Variants in POLR3B observed in about 807,000 individuals in gnomAD.
POLR3B encodes the protein RNA polymerase III subunit B, also known as DNA-directed RNA polymerase III subunit RPC2.
A neutral mutation model predicts 147.4 loss-of-function variants in POLR3B; 96 were observed. The ratio of observed to expected loss-of-function variants is 0.65; its 90% CI spans 0.55 to 0.77. The LOEUF (loss-of-function observed/expected upper bound fraction) is 0.77. POLR3B is among the 30% of genes least tolerant of loss of function. POLR3B has a pLI of 0.00. For missense variants in POLR3B, 1,036 were observed against 1,413.5 expected (o/e 0.73, Z 4.28); for synonymous variants, 461 against 485.9 (o/e 0.95, Z 0.67).
intron 18 of POLR3B, 133 bp downstream of exon 18, chr12:106,437,912 T>C (rs779496679): frequency 5.9e-6 from 4 of 676,796 alleles, no homozygotes; most frequent in Non-Finnish European, 1.0e-5. Context: ...ACAATCTTCT[T>C]TTTTTTGTTT....
At chr12:106,427,515 T>C (rs1389935088) in intron 13 of POLR3B, among the ~76,000 whole-genome samples, 157 bp downstream of exon 13, 109 of 152,304 alleles carry the variant, frequency 7.2e-4, no homozygotes. Flanking sequence ...AAGTCTGAAG[T>C]GTTTATTACT....
At chr12:106,431,163 C>T (rs953942823) in intron 14 of POLR3B, among the ~76,000 whole-genome samples, 1 of 152,060 alleles carries the variant, frequency 6.6e-6, no homozygotes, top group African/African-American at 2.4e-5. Flanking sequence ...TTAATAATTA[C>T]AACAAGTAAA....
intron 19 of POLR3B, among the ~76,000 whole-genome samples, chr12:106,448,500 G>T (rs1315003500): frequency 7.9e-6 from 1 of 126,288 alleles, no homozygotes; most frequent in Non-Finnish European, 1.6e-5. Context: ...GCAGTGGCAC[G>T]ATCACAACTC....
chr12:106,452,204 GTTTATAAA>G (rs2037805697), intron 19 of POLR3B, among the ~76,000 whole-genome samples: 2 of 152,136 alleles, frequency 1.3e-5, no homozygotes, highest in African/African-American at 4.8e-5. Context: ...ATATAGAATA[GTTTATAAA>G]TTCTATTTTA....
chr12:106,432,666 C>G (rs1258690153), intron 15 of POLR3B, among the ~76,000 whole-genome samples, 186 bp downstream of exon 15: 3 of 152,162 alleles, frequency 2.0e-5, no homozygotes, highest in Non-Finnish European at 2.9e-5. Flanking sequence ...ATCCAAGGTT[C>G]TGAGAGGATA....
intron 12 of POLR3B, among the ~76,000 whole-genome samples, chr12:106,412,288 T>C (rs1252080236): frequency 2.0e-5 from 3 of 152,212 alleles, no homozygotes; most frequent in Admixed American, 2.0e-4. Flanking sequence ...AAACATCAGC[T>C]GAAATATTCA....
At chr12:106,477,887 T>TCC (rs376638115) in intron 23 of POLR3B, among the ~76,000 whole-genome samples, 10 of 66,296 alleles carry the variant, frequency 1.5e-4, no homozygotes, top group South Asian at 5.9e-4. Flanking sequence ...TCTTGGCTCC[T>TCC]CCCCTTTTTT....
At chr12:106,417,830 T>G (rs1337891234) in intron 12 of POLR3B, among the ~76,000 whole-genome samples, 4 of 151,758 alleles carry the variant, frequency 2.6e-5, no homozygotes, top group Non-Finnish European at 5.9e-5. Context: ...AATGAGTCCA[T>G]TAAAAAAAAG....
chr12:106,437,607 T>G (rs1045914261), intron 17 of POLR3B, 74 bp from the exon 18 acceptor site: 12 of 808,472 alleles, frequency 1.5e-5, no homozygotes, highest in African/African-American at 1.0e-4. Context: ...CGAAAGCCAG[T>G]ATCTCCTGTT....
At chr12:106,373,740 C>G (rs975428144) in intron 6 of POLR3B, among the ~76,000 whole-genome samples, 1 of 151,092 alleles carries the variant, frequency 6.6e-6, no homozygotes, top group Non-Finnish European at 1.5e-5. Context: ...GGCAACAGAG[C>G]GAGACTCCAT....
chr12:106,446,048 A>G (rs2037718296), intron 19 of POLR3B, among the ~76,000 whole-genome samples: 2 of 152,246 alleles, frequency 1.3e-5, no homozygotes, highest in Non-Finnish European at 2.9e-5. Context: ...CAGCTCATCA[A>G]TTTAGCCTTT....
intron 2 of POLR3B, among the ~76,000 whole-genome samples, chr12:106,365,518 C>G (rs2036522781): frequency 6.6e-6 from 1 of 152,062 alleles, no homozygotes; most frequent in Non-Finnish European, 1.5e-5. Flanking sequence ...CCTTGCCTGG[C>G]CTTTTTGTTA....
intron 7 of POLR3B, among the ~76,000 whole-genome samples, chr12:106,376,711 A>G (rs955689609): frequency 3.3e-5 from 5 of 150,992 alleles, no homozygotes; most frequent in African/African-American, 7.4e-5. Context: ...TCTGCCTCCC[A>G]GGCTCAAGCA....
At chr12:106,358,066 G>T (rs2036413226) in intron 1 of POLR3B, 115 bp downstream of exon 1, 1 of 1,547,212 alleles carries the variant, frequency 6.5e-7, no homozygotes, top group African/African-American at 1.4e-5. Context: ...CATGCGCCGG[G>T]CTTCTGCGCA....
At chr12:106,440,748 G>C (rs1433780637) in intron 18 of POLR3B, among the ~76,000 whole-genome samples, 1 of 138,142 alleles carries the variant, frequency 7.2e-6, no homozygotes, top group Non-Finnish European at 1.6e-5. Context: ...TTTACTTCTT[G>C]TGCCTATTAC....
intron 12 of POLR3B, among the ~76,000 whole-genome samples, chr12:106,413,342 G>A (rs1243485551): frequency 2.0e-5 from 3 of 152,034 alleles, no homozygotes; most frequent in Admixed American, 2.0e-4. Context: ...TCACCATTTG[G>A]TGGTGGAGAT....
chr12:106,507,864 G>A, intron 27 of POLR3B: 1 of 452,830 alleles, frequency 2.2e-6, no homozygotes, highest in Non-Finnish European at 4.4e-6. Context: ...CCTGCTCATT[G>A]TAAAACATTC....
intron 25 of POLR3B, among the ~76,000 whole-genome samples, chr12:106,498,238 A>G (rs1258168575): frequency 6.6e-6 from 1 of 152,194 alleles, no homozygotes; most frequent in African/African-American, 2.4e-5. Flanking sequence ...TTGCCAGGGA[A>G]AGAGCTTGGT....
At chr12:106,435,425 G>A (rs1003602355) in intron 16 of POLR3B, among the ~76,000 whole-genome samples, 9 of 152,156 alleles carry the variant, frequency 5.9e-5, no homozygotes, top group African/African-American at 1.7e-4. Flanking sequence ...GATTACAGGT[G>A]TGAGCCATCG....
Sources: gnomAD v4.1 joint callset for allele counts (sites outside exome capture counted in the v4.1 genomes callset) on GRCh38, gnomAD v4.1.1 for gene constraint, MANE v1.5 for transcripts, NCBI Gene and HGNC (gene_info 2026-07-23, HGNC 2026-07-21) for gene names.